The following PRPF8 variants were observed in gnomAD, a reference collection of about 807,000 sequenced individuals.
PRPF8 encodes the protein pre-mRNA-processing-splicing factor 8.
Under a neutral mutation model 285.9 loss-of-function variants are expected in PRPF8, and 64 were observed. The observed-to-expected ratio is 0.22, with a 90% CI of 0.18 to 0.28. The LOEUF is 0.28. PRPF8 is among the 10% of genes least tolerant of loss of function. The pLI, the probability that PRPF8 is intolerant of heterozygous loss-of-function variation, is 1.00. For missense variants in PRPF8, 1,426 were observed against 3,026.7 expected (o/e 0.47, Z 12.41); for synonymous variants, 1,325 against 1,118.2 (o/e 1.18, Z -3.69).
At chr17:1,664,589 T>C (rs377356496) in intron 24 of PRPF8, among the ~76,000 whole-genome samples, 1 of 144,088 alleles carries the variant, frequency 6.9e-6, no homozygotes, top group African/African-American at 2.9e-5. Context: ...GGAGGATCGC[T>C]TGCGCCCAGG....
rs753491952 is a variant in PRPF8 at position 1,679,750 on chromosome 17, A to G, written c.1148T>C (p.Phe383Ser). ...TGTGTCCTTCAGGAAGGGCTCCACA[A>G]ACTCCGGGAGCTCAAATTCCTCATC... ...DDDEEFELPE[F>S]VEPFLKDTPL... The change falls in exon 9 of 43, where the codon TTT becomes TCT. Residue 383 changes from phenylalanine to serine, a missense_variant. This residue lies in a region of PRPF8 where 137 missense variants were observed against 161.2 expected (regional missense o/e 0.85). Transcript: ENST00000304992. The surrounding 1 kb of genome is among the most constrained non-coding windows in gnomAD (Gnocchi z 4.7). The G allele has an allele frequency of 6.2e-7, 1 of 1,614,186 alleles. No individual in the cohort carries two copies. Among genetic ancestry groups the G allele is most frequent in the Admixed American group, 1.7e-5 (1 of 60,012 alleles).
intron 24 of PRPF8, among the ~76,000 whole-genome samples, chr17:1,663,535 C>T (rs905909670): frequency 1.4e-5 from 2 of 144,072 alleles, no homozygotes; most frequent in Admixed American, 6.9e-5. Flanking sequence ...GGTGAGACCC[C>T]CCGTCTCTAC....
chr17:1,681,109 A>T, intron 6 of PRPF8, 55 bp from the exon 7 acceptor site: 1 of 1,550,600 alleles, frequency 6.4e-7, no homozygotes, highest in South Asian at 1.1e-5. Flanking sequence ...ACAGGGTCTC[A>T]CTCTTATCAC....
chr17:1,653,487 T>C lies in PRPF8; in HGVS notation c.6369+55A>G. 1.2e-6 allele frequency: 2 copies of C among 1,610,992 alleles called. No individual in the cohort carries two copies. The highest frequency in any genetic ancestry group is 2.2e-5 in the East Asian group (1 of 44,866). ...TCCAGACAATCTCAGGTCTGAGTTTTAGGCACAAAATGAGTTGGGCACACA... is the reference window on the plus strand; with the variant it reads ...TCCAGACAATCTCAGGTCTGAGTTTCAGGCACAAAATGAGTTGGGCACACA... On this transcript the variant is annotated intron_variant, in intron 39 of 42. Transcript: ENST00000304992. This position sits in a 1 kb window ranked among gnomAD's most constrained non-coding sequence, Gnocchi z 4.9.
In PRPF8 at chr17:1,661,992, G is replaced by C. The variant is rs747888185; in HGVS notation, c.3936C>G (p.Pro1312=). The change falls in exon 25 of 43, where the codon CCC becomes CCG. Residue 1312 remains proline (P), a synonymous_variant. Coordinates refer to ENST00000304992, the MANE Select transcript of PRPF8 (RefSeq NM_006445.4). The surrounding 1 kb of genome is among the most constrained non-coding windows in gnomAD (Gnocchi z 7.3). ...GLNSKMPSRF[P]PVVFYTPKEL... Reference sequence around the variant, plus strand: ...CCTTAGGGGTGTAGAACACAACCGGGGGGAACCGACTTGGCATCTTGGAGT... The same window carrying C: ...CCTTAGGGGTGTAGAACACAACCGGCGGGAACCGACTTGGCATCTTGGAGT... The C allele has an allele frequency of 1.3e-5, 21 of 1,613,920 alleles. No individual in the cohort carries two copies. In the Admixed American group the frequency reaches 2.7e-4, roughly 21 times the overall value.
rs752392551 is a variant in PRPF8, at chr17:1,658,209, A to C, written c.5505+44T>G. 2 of 1,613,502 alleles carry C rather than the reference A, an allele frequency of 1.2e-6. No individual in the cohort carries two copies. Among genetic ancestry groups the C allele is most frequent in the East Asian group, 4.5e-5 (2 of 44,878 alleles). On this transcript the variant is annotated intron_variant, in intron 34 of 42. Transcript: ENST00000304992. This position sits in a 1 kb window ranked among gnomAD's most constrained non-coding sequence, Gnocchi z 4.1. ...TTACCAAGTCCACCCCAAGAATAAG[A>C]GGCAACATGGTTCTACAGCCTCTTC...
In PRPF8 at chr17:1,675,519, G is replaced by T; in HGVS notation, c.2872+101C>A. The T allele has an allele frequency of 6.7e-7, 1 of 1,500,382 alleles. No individual in the cohort carries two copies. Among genetic ancestry groups the T allele is most frequent in the Non-Finnish European group, 9.3e-7 (1 of 1,078,974 alleles). The allele number at this position is 1,500,382 out of a possible 1,614,324, so 92.9% of individuals were successfully genotyped here. A position where few individuals can be genotyped will look rare whatever the true frequency, so the allele number is the denominator to read the frequency against. On this transcript the variant is annotated intron_variant, in intron 19 of 42. Transcript: ENST00000304992. This position sits in a 1 kb window ranked among gnomAD's most constrained non-coding sequence, Gnocchi z 6.0. The stretch of plus-strand genomic sequence containing the variant: ...GAACACTACTTCCCTTTACTACCAC[G>T]CATCAAGAGAGTAAACCAATCATGC...
intron 24 of PRPF8, among the ~76,000 whole-genome samples, chr17:1,668,801 GA>G (rs1912143971): frequency 1.3e-5 from 2 of 152,036 alleles, no homozygotes; most frequent in Admixed American, 6.6e-5. Context: ...GTGATTCTGG[GA>G]AAAACAAATG....
intron 20 of PRPF8, 25 bp from the exon 21 acceptor site, chr17:1,674,705 T>C (rs775802850): frequency 2.5e-6 from 4 of 1,600,562 alleles, no homozygotes; most frequent in Middle Eastern, 1.7e-4. Context: ...CTACAATTCT[T>C]AAGAATGTGA....
chr17:1,681,501 A>C lies in PRPF8; in HGVS notation c.843T>G (p.Pro281=). Residue 281 remains proline (P), a synonymous_variant, in exon 6 of 43, where the codon CCT becomes CCG. Transcript: ENST00000304992. The part of the protein sequence containing the change: ...MAIPGGPKFE[P]LVRDINLQDE... ...ACTGTAGGTTGATGTCTCGAACAAG[A>C]GGTTCAAATTTGGGGCCTCCAGGAA... The C allele has an allele frequency of 1.9e-6, 3 of 1,604,038 alleles. No homozygotes were observed. In the South Asian group the frequency reaches 3.3e-5, roughly 18 times the overall value.
At chr17:1,666,809 C>G (rs1912014700) in intron 24 of PRPF8, among the ~76,000 whole-genome samples, 1 of 152,082 alleles carries the variant, frequency 6.6e-6, no homozygotes, top group South Asian at 2.1e-4. Flanking sequence ...GAGATAACAG[C>G]TCAAACCCTA....
Position 1,658,392 on chromosome 17 carries a change from A to G in PRPF8, c.5377-11T>C, listed in dbSNP as rs756857093. 7 of 1,613,892 alleles carry G rather than the reference A, an allele frequency of 4.3e-6. No homozygotes were observed. The highest frequency in any genetic ancestry group is 5.9e-6 in the Non-Finnish European group (7 of 1,180,012). Reference sequence around the variant, plus strand: ...GTTCCCTTCAAAGGTCTAGAGGAGGACGGCATTCGTTAGCATGGCCTACAC... The same window carrying G: ...GTTCCCTTCAAAGGTCTAGAGGAGGGCGGCATTCGTTAGCATGGCCTACAC... On this transcript the variant is annotated splice_polypyrimidine_tract_variant and intron_variant, in intron 33 of 42. Coordinates refer to ENST00000304992, the MANE Select transcript of PRPF8 (RefSeq NM_006445.4). The surrounding 1 kb of genome is among the most constrained non-coding windows in gnomAD (Gnocchi z 4.1).
At position 1,676,719 on chromosome 17, in the gene PRPF8, T is replaced by A; in HGVS notation, c.2182-8A>T. The A allele has an allele frequency of 6.2e-7, 1 of 1,613,236 alleles. No individual in the cohort carries two copies. ...CGTCGGCAGCCCAGGGACCTAAAAG[T>A]CCAAAAAGCACAATCAAGCCAGGAT... On this transcript the variant is annotated splice_region_variant and splice_polypyrimidine_tract_variant and intron_variant, in intron 15 of 42. Transcript: ENST00000304992. This position sits in a 1 kb window ranked among gnomAD's most constrained non-coding sequence, Gnocchi z 6.3.
In PRPF8 at chr17:1,678,655, G is replaced by A. The variant is rs998301457; in HGVS notation, c.1720-3C>T. The A allele has an allele frequency of 1.2e-6, 2 of 1,614,198 alleles. No homozygotes were observed. The highest frequency in any genetic ancestry group is 1.3e-5 in the African/African-American group (1 of 75,048). On this transcript the variant is annotated splice_polypyrimidine_tract_variant and splice_region_variant and intron_variant, in intron 12 of 42. Transcript: ENST00000304992. ...ATATACTGCAATCCATCTGCCAGCT[G>A]CAATACAATTGCCCCATCAGACCTG... is the stretch of plus-strand genomic sequence containing the variant.
At position 1,676,227 on chromosome 17, in the gene PRPF8, C is replaced by T. The variant is rs757183420; in HGVS notation, c.2532G>A (p.Glu844=). ...HDTKLLILAL[E]RLKEAYSVKS... Reference sequence around the variant, plus strand: ...CTCACCTATAAGCTTCCTTGAGCCGCTCCAATGCCAAGATGAGCAACTTGG... The same window carrying T: ...CTCACCTATAAGCTTCCTTGAGCCGTTCCAATGCCAAGATGAGCAACTTGG... The change falls in exon 17 of 43, where the codon GAG becomes GAA. Residue 844 remains glutamate (E), a synonymous_variant. Coordinates refer to ENST00000304992, the MANE Select transcript of PRPF8 (RefSeq NM_006445.4). The surrounding 1 kb of genome is among the most constrained non-coding windows in gnomAD (Gnocchi z 6.3). The T allele has an allele frequency of 6.2e-7, 1 of 1,613,946 alleles. No homozygotes were observed. Among genetic ancestry groups the T allele is most frequent in the South Asian group, 1.1e-5 (1 of 91,076 alleles).
intron 24 of PRPF8, among the ~76,000 whole-genome samples, chr17:1,668,876 C>T (rs950637041): frequency 6.6e-6 from 1 of 152,152 alleles, no homozygotes; most frequent in African/African-American, 2.4e-5. Flanking sequence ...CTCTCAGTTT[C>T]TTCAGCAATC....
chr17:1,682,110 A>G lies in PRPF8; in HGVS notation c.434+19T>C, dbSNP rs2151132123. ...ACCACCACCACCACCACCACCCACCATATTTCAGCCTTTCTCACCCCCACT... is the reference window on the plus strand; with the variant it reads ...ACCACCACCACCACCACCACCCACCGTATTTCAGCCTTTCTCACCCCCACT... On this transcript the variant is annotated intron_variant, in intron 4 of 42. Transcript: ENST00000304992. 2 of 1,613,506 alleles carry G rather than the reference A, an allele frequency of 1.2e-6. No homozygotes were observed. Among genetic ancestry groups the G allele is most frequent in the Non-Finnish European group, 1.7e-6 (2 of 1,179,812 alleles).
rs373310153 is a variant in PRPF8 at position 1,660,029 on chromosome 17, C to T, written c.4786-28G>A. 55 of 1,611,388 alleles carry T rather than the reference C, an allele frequency of 3.4e-5. No homozygotes were observed. In the African/African-American group the frequency reaches 5.3e-4, roughly 16 times the overall value. ...GAAGGAAAACATGGAGAGATTAAGACTTGTTAAGGAAGCCCAATTAAAATC... is the reference window on the plus strand; with the variant it reads ...GAAGGAAAACATGGAGAGATTAAGATTTGTTAAGGAAGCCCAATTAAAATC... On this transcript the variant is annotated intron_variant, in intron 30 of 42. Coordinates refer to ENST00000304992, the MANE Select transcript of PRPF8 (RefSeq NM_006445.4).
rs940988507 is a variant in PRPF8 at position 1,683,432 on chromosome 17, T to C, written c.269+101A>G. 3.0e-6 allele frequency: 4 copies of C among 1,315,902 alleles called. No homozygotes were observed. In the Admixed American group the frequency reaches 5.1e-5, roughly 17 times the overall value. 81.5% of individuals were successfully genotyped at this position (1,315,902 alleles called of 1,614,324 possible). A position where few individuals can be genotyped will look rare whatever the true frequency, so the allele number is the denominator to read the frequency against. On this transcript the variant is annotated intron_variant, in intron 3 of 42. Transcript: ENST00000304992. ...TACTGGTTTTCTCCTTTCTCTTATA[T>C]CCACCAAGATGAGCTGTCAAAGCAT...
Sources: allele counts gnomAD v4.1 joint callset (sites outside exome capture counted in the v4.1 genomes callset), GRCh38; gene constraint gnomAD v4.1.1; regional missense constraint gnomAD v4.1.1; non-coding constraint Gnocchi (gnomAD v3.1); transcripts MANE v1.5; gene names NCBI Gene and HGNC (gene_info 2026-07-23, HGNC 2026-07-21).